KCNMA1: variants seen among roughly 807,000 people sequenced by gnomAD.
KCNMA1 encodes potassium calcium-activated channel subfamily M alpha 1.
Under a neutral mutation model 140.0 loss-of-function variants are expected in KCNMA1, and 29 were observed. The ratio of observed to expected loss-of-function variants is 0.21; its 90% CI spans 0.15 to 0.28. KCNMA1 has a LOEUF of 0.28. KCNMA1 is among the 10% of genes least tolerant of loss of function. KCNMA1 has a pLI of 1.00. For missense variants in KCNMA1, 880 were observed against 1,602.2 expected (o/e 0.55, Z 7.70); for synonymous variants, 612 against 611.9 (o/e 1.00, Z 0.00).
At chr10:77,075,487 C>A (rs945737966) in intron 13 of KCNMA1, among the ~76,000 whole-genome samples, 1 of 152,202 alleles carries the variant, frequency 6.6e-6, no homozygotes, top group Non-Finnish European at 1.5e-5. Context: ...TTCAAACAAA[C>A]AAGCAAAACC....
At chr10:77,628,551 G>C (rs2092816942) in intron 1 of KCNMA1, among the ~76,000 whole-genome samples, 1 of 151,786 alleles carries the variant, frequency 6.6e-6, no homozygotes, top group South Asian at 2.1e-4. Context: ...CAGGTACTCA[G>C]GAGGCACTAG....
At chr10:77,489,050 G>T (rs2098500188) in intron 1 of KCNMA1, among the ~76,000 whole-genome samples, 1 of 152,128 alleles carries the variant, frequency 6.6e-6, no homozygotes, top group Admixed American at 6.5e-5. Context: ...GGCAGAGGGG[G>T]TCATAAGGGT....
At chr10:77,228,573 G>A (rs368377314) in intron 3 of KCNMA1, among the ~76,000 whole-genome samples, 4 of 152,214 alleles carry the variant, frequency 2.6e-5, no homozygotes, top group South Asian at 4.2e-4. Context: ...TTCCTCCTCC[G>A]CTTCCCCAAC....
At chr10:77,618,129 C>T (rs1056446376) in intron 1 of KCNMA1, among the ~76,000 whole-genome samples, 13 of 152,148 alleles carry the variant, frequency 8.5e-5, no homozygotes, top group African/African-American at 3.1e-4. Context: ...CCAGCAGAGA[C>T]CTTCAGGGGC....
intron 1 of KCNMA1, among the ~76,000 whole-genome samples, chr10:77,439,090 GAGAA>G (rs1490265761): frequency 5.7e-5 from 4 of 69,982 alleles, no homozygotes; most frequent in African/African-American, 1.7e-4. Flanking sequence ...GAAAAGAAAA[GAGAA>G]GAGAAGAGAA....
chr10:77,578,906 C>G (rs1469911539), intron 1 of KCNMA1, among the ~76,000 whole-genome samples: 1 of 152,238 alleles, frequency 6.6e-6, no homozygotes, highest in Non-Finnish European at 1.5e-5. Flanking sequence ...CTCTTCACAT[C>G]TAGAGCACCT....
chr10:77,072,563 G>A (rs547433774), intron 14 of KCNMA1, among the ~76,000 whole-genome samples: 3 of 152,182 alleles, frequency 2.0e-5, no homozygotes, highest in East Asian at 3.9e-4. Context: ...CACTGCTGCC[G>A]AGGACTCAGT....
At chr10:77,133,452 C>A (rs2097907668) in intron 5 of KCNMA1, among the ~76,000 whole-genome samples, 1 of 151,702 alleles carries the variant, frequency 6.6e-6, no homozygotes, top group South Asian at 2.1e-4. Context: ...AATTATGTGC[C>A]TGGCAAATGC....
chr10:77,299,131 C>A (rs917357098), intron 2 of KCNMA1, among the ~76,000 whole-genome samples: 2 of 152,130 alleles, frequency 1.3e-5, no homozygotes, highest in African/African-American at 4.8e-5. Flanking sequence ...GATTTGCATG[C>A]TGAAATGGAG....
intron 5 of KCNMA1, among the ~76,000 whole-genome samples, chr10:77,175,677 A>C (rs2098746227): frequency 6.6e-6 from 1 of 152,192 alleles, no homozygotes. Context: ...AAAGCTGCAC[A>C]CAGGAGCTGG....
chr10:77,078,708 G>C (rs896405315), intron 13 of KCNMA1, among the ~76,000 whole-genome samples: 17 of 152,302 alleles, frequency 1.1e-4, no homozygotes, highest in African/African-American at 4.1e-4. Context: ...AATCCCCGAG[G>C]ACACAAAATA....
At chr10:77,486,957 A>G (rs1191547426) in intron 1 of KCNMA1, among the ~76,000 whole-genome samples, 4 of 152,248 alleles carry the variant, frequency 2.6e-5, no homozygotes, top group African/African-American at 4.8e-5. Flanking sequence ...TCCCCAGCTA[A>G]GCATCCGCTC....
chr10:77,624,011 G>A (rs2092043839), intron 1 of KCNMA1, among the ~76,000 whole-genome samples: 1 of 152,142 alleles, frequency 6.6e-6, no homozygotes, highest in South Asian at 2.1e-4. Context: ...TTCAGGGGGA[G>A]TTTTTTTCGG....
chr10:77,589,342 T>C (rs1271265632), intron 1 of KCNMA1, among the ~76,000 whole-genome samples: 1 of 152,150 alleles, frequency 6.6e-6, no homozygotes, highest in Non-Finnish European at 1.5e-5. Flanking sequence ...CAGAAGCACA[T>C]GGACGGCCCT....
intron 11 of KCNMA1, among the ~76,000 whole-genome samples, chr10:77,086,204 T>C (rs1319267806): frequency 6.6e-6 from 1 of 152,200 alleles, no homozygotes; most frequent in Non-Finnish European, 1.5e-5. Flanking sequence ...GTCTACTTCC[T>C]TGATGAGTAG....
intron 2 of KCNMA1, among the ~76,000 whole-genome samples, chr10:77,392,493 C>A (rs570513697): frequency 1.3e-5 from 2 of 152,188 alleles, no homozygotes; most frequent in Non-Finnish European, 2.9e-5. Context: ...ACTTCAGAAA[C>A]CTTGCCACCC....
intron 1 of KCNMA1, among the ~76,000 whole-genome samples, chr10:77,615,441 G>A (rs1036143382): frequency 2.6e-5 from 4 of 152,156 alleles, no homozygotes; most frequent in Admixed American, 2.6e-4. Context: ...TGCAGAAGGT[G>A]GGTGGTGTAG....
At chr10:77,032,733 C>CTTTTT (rs570751961) in intron 15 of KCNMA1, among the ~76,000 whole-genome samples, 1 of 148,256 alleles carries the variant, frequency 6.7e-6, no homozygotes. Flanking sequence ...GCCCAACCCC[C>CTTTTT]CTTTTTTTTT....
At chr10:76,986,139 G>T (rs2081211286) in intron 19 of KCNMA1, among the ~76,000 whole-genome samples, 1 of 152,148 alleles carries the variant, frequency 6.6e-6, no homozygotes, top group Admixed American at 6.6e-5. Context: ...GCTATGAAAA[G>T]GAGGCGAGTG....
Sources: allele counts gnomAD v4.1 joint callset (sites outside exome capture counted in the v4.1 genomes callset), GRCh38; gene constraint gnomAD v4.1.1; transcripts MANE v1.5; gene names NCBI Gene and HGNC (gene_info 2026-07-23, HGNC 2026-07-21).